The following FHIP1A variants were observed in gnomAD, a reference collection of about 807,000 sequenced individuals.
FHIP1A encodes the protein FHF complex subunit HOOK interacting protein 1A.
Under a neutral mutation model 88.6 loss-of-function variants are expected in FHIP1A, and 61 were observed. That is an observed-to-expected ratio of 0.69 (90% CI 0.56 to 0.85). The LOEUF (loss-of-function observed/expected upper bound fraction) is 0.85. Among genes scored for constraint, FHIP1A ranks in the 40% least tolerant of loss-of-function variants. FHIP1A has a pLI of 0.00. For synonymous variants in FHIP1A, 478 were observed against 496.0 expected (o/e 0.96, Z 0.48); for missense variants, 1,154 against 1,273.5 (o/e 0.91, Z 1.43).
chr4:151,488,965 TAGAC>T (rs764600657), intron 3 of FHIP1A, among the ~76,000 whole-genome samples: 1 of 152,310 alleles, frequency 6.6e-6, no homozygotes, highest in South Asian at 2.1e-4. Flanking sequence ...AGCTCCCACT[TAGAC>T]AGACAGAACA....
At chr4:151,439,352 T>TA (rs1021084718) in intron 1 of FHIP1A, among the ~76,000 whole-genome samples, 43 of 152,282 alleles carry the variant, frequency 2.8e-4, no homozygotes, top group African/African-American at 9.9e-4. Context: ...GTAAGTGCTA[T>TA]ATAAGTGTTT....
chr4:151,436,168 C>A (rs762659116), intron 1 of FHIP1A, among the ~76,000 whole-genome samples: 2 of 152,168 alleles, frequency 1.3e-5, no homozygotes, highest in Non-Finnish European at 2.9e-5. Context: ...GAGCCAATCC[C>A]TGCTCTTCTG....
intron 7 of FHIP1A, among the ~76,000 whole-genome samples, chr4:151,624,975 C>T (rs1578832908): frequency 6.6e-6 from 1 of 152,140 alleles, no homozygotes. Context: ...TTCTTCTTGG[C>T]GCTTCTTGTC....
chr4:151,532,130 A>G (rs1445214835), intron 3 of FHIP1A, among the ~76,000 whole-genome samples: 1 of 152,084 alleles, frequency 6.6e-6, no homozygotes, highest in African/African-American at 2.4e-5. Context: ...TTTGGTCTAT[A>G]TCGTTTTTTT....
chr4:151,411,362 T>TTTTTTTTTTTTTA (rs1561483438), intron 1 of FHIP1A, among the ~76,000 whole-genome samples: 1 of 148,944 alleles, frequency 6.7e-6, no homozygotes, highest in Admixed American at 6.7e-5. Flanking sequence ...TTTTTTTTTT[T>TTTTTTTTTTTTTA]AAAGTTAGGG....
In FHIP1A at chr4:151,646,679, A is replaced by G; in HGVS notation, c.1348A>G (p.Ile450Val). The G allele has an allele frequency of 6.4e-7, 1 of 1,551,658 alleles. No homozygotes were observed. The highest frequency in any genetic ancestry group is 8.7e-7 in the Non-Finnish European group (1 of 1,146,948). Residue 450 changes from isoleucine (I) to valine (V), a missense_variant, in exon 10 of 14, where the codon ATC becomes GTC. Physicochemically the swap from Ile to Val is conservative, Grantham distance 29 (BLOSUM62 3). Coordinates refer to ENST00000435205, the MANE Select transcript of FHIP1A (RefSeq NM_001109977.3). ...ALTPVCCSSG[I>V]TLTLGNQERD... ...GACTCCTGTCTGCTGCTCCAGCGGG[A>G]TCACTCTGACGCTGGGGAACCAAGA...
At chr4:151,482,928 A>G (rs894666779) in intron 3 of FHIP1A, among the ~76,000 whole-genome samples, 8 of 152,148 alleles carry the variant, frequency 5.3e-5, no homozygotes, top group African/African-American at 1.9e-4. Flanking sequence ...TACTTAGGAA[A>G]TAGTCTAAAC....
chr4:151,419,561 C>T (rs1038961496), intron 1 of FHIP1A, among the ~76,000 whole-genome samples: 1 of 67,848 alleles, frequency 1.5e-5, no homozygotes, highest in East Asian at 3.7e-4. Flanking sequence ...CTGGTCTGTT[C>T]CTCATTCTTT....
At chr4:151,644,289 C>T (rs1048164497) in intron 9 of FHIP1A, among the ~76,000 whole-genome samples, 2 of 151,776 alleles carry the variant, frequency 1.3e-5, no homozygotes, top group African/African-American at 2.4e-5. Flanking sequence ...AAACCCCCCA[C>T]CCAACACAAA....
chr4:151,552,721 T>C (rs983945245), intron 3 of FHIP1A, among the ~76,000 whole-genome samples: 1 of 151,564 alleles, frequency 6.6e-6, no homozygotes, highest in African/African-American at 2.4e-5. Flanking sequence ...AAATACCTAA[T>C]GTAAATGACG....
At chr4:151,504,599 TATG>T (rs1730763925) in intron 3 of FHIP1A, among the ~76,000 whole-genome samples, 1 of 145,810 alleles carries the variant, frequency 6.9e-6, no homozygotes, top group Admixed American at 6.7e-5. Flanking sequence ...TATGTTATGT[TATG>T]TTATGTCATG....
chr4:151,529,755 A>G (rs1034634348), intron 3 of FHIP1A, among the ~76,000 whole-genome samples: 13 of 152,186 alleles, frequency 8.5e-5, no homozygotes, highest in Non-Finnish European at 2.9e-5. Flanking sequence ...GGTTATCCCC[A>G]TTTTGAAACT....
chr4:151,653,122 G>A (rs1401038083), intron 11 of FHIP1A, among the ~76,000 whole-genome samples: 1 of 152,194 alleles, frequency 6.6e-6, no homozygotes, highest in Non-Finnish European at 1.5e-5. Context: ...CCTCAGAGCT[G>A]TATTCACACT....
chr4:151,457,154 T>C (rs1728995264), intron 2 of FHIP1A, among the ~76,000 whole-genome samples: 1 of 152,192 alleles, frequency 6.6e-6, no homozygotes. Context: ...TTTAACAGTT[T>C]TTTTCCCCAT....
rs1361061738 is a variant in FHIP1A, at chr4:151,577,622, T to C, written c.278T>C (p.Val93Ala). ...ATGGGGCCGATTCTGGAATTTGTGG[T>C]CTCTGAGAACATCATGGAGAAACTT... Reference protein sequence around the residue: ...AAMGPILEFVVSENIMEKLFL... With the variant: ...AAMGPILEFVASENIMEKLFL... The change falls in exon 5 of 14, where the codon GTC becomes GCC. Residue 93 changes from valine (V) to alanine (A), a missense_variant. Transcript: ENST00000435205. The C allele has an allele frequency of 1.3e-6, 2 of 1,551,726 alleles. No homozygotes were observed. Among genetic ancestry groups the C allele is most frequent in the Admixed American group, 2.0e-5 (1 of 50,980 alleles).
Position 151,645,784 on chromosome 4 carries a change from A to G in FHIP1A, c.1227-774A>G, listed in dbSNP as rs962468171. Among the ~76,000 whole-genome samples the G allele has an allele frequency of 1.1e-4, 17 of 152,044 alleles. No homozygotes were observed. In the East Asian group the frequency reaches 3.3e-3, roughly 29 times the overall value. On this transcript the variant is annotated intron_variant, in intron 9 of 13. Transcript: ENST00000435205. ...CATTTAAACACACTTTATTCTAGCCATGAAGCCCACTGATGTGCTCCAGGT... is the reference window on the plus strand; with the variant it reads ...CATTTAAACACACTTTATTCTAGCCGTGAAGCCCACTGATGTGCTCCAGGT...
intron 3 of FHIP1A, among the ~76,000 whole-genome samples, chr4:151,490,103 G>C (rs574232007): frequency 3.3e-5 from 5 of 152,210 alleles, no homozygotes; most frequent in Non-Finnish European, 1.5e-5. Context: ...CAAAGAAGGA[G>C]AAAACAACAG....
chr4:151,478,902 A>G (rs1729803691), intron 2 of FHIP1A, among the ~76,000 whole-genome samples: 1 of 152,076 alleles, frequency 6.6e-6, no homozygotes, highest in African/African-American at 2.4e-5. Flanking sequence ...TTTCTAAGAT[A>G]CTTGTGGTCT....
At chr4:151,497,589 A>G (rs1730508603) in intron 3 of FHIP1A, among the ~76,000 whole-genome samples, 1 of 152,224 alleles carries the variant, frequency 6.6e-6, no homozygotes, top group African/African-American at 2.4e-5. Context: ...TCCAGAGGAT[A>G]TTTAGCAATG....
Sources: allele counts gnomAD v4.1 joint callset (sites outside exome capture counted in the v4.1 genomes callset), GRCh38; gene constraint gnomAD v4.1.1; transcripts MANE v1.5; gene names NCBI Gene and HGNC (gene_info 2026-07-23, HGNC 2026-07-21).